Variants in SESTD1 observed in about 807,000 individuals in gnomAD.
SESTD1 encodes the protein SEC14 domain and spectrin repeat-containing protein 1.
A neutral mutation model predicts 101.7 loss-of-function variants in SESTD1; 43 were observed. That is an observed-to-expected ratio of 0.42 (90% CI 0.33 to 0.55). The LOEUF (loss-of-function observed/expected upper bound fraction) is 0.55. Among genes scored for constraint, SESTD1 ranks in the 20% least tolerant of loss-of-function variants. The pLI is 0.07. For missense variants in SESTD1, 647 were observed against 815.1 expected (o/e 0.79, Z 2.51); for synonymous variants, 283 against 286.8 (o/e 0.99, Z 0.13).
chr2:179,194,458 C>G (rs949453744), intron 1 of SESTD1, among the ~76,000 whole-genome samples: 1 of 152,154 alleles, frequency 6.6e-6, no homozygotes, highest in African/African-American at 2.4e-5. Flanking sequence ...AAGGAATTTA[C>G]AGGACTATTG....
At chr2:179,226,221 T>C (rs2046883341) in intron 1 of SESTD1, among the ~76,000 whole-genome samples, 2 of 152,230 alleles carry the variant, frequency 1.3e-5, no homozygotes, top group African/African-American at 2.4e-5. Context: ...AATATTCTCA[T>C]ATTCACCAAC....
rs145830560 is a variant in SESTD1, at chr2:179,181,402, T to C, written c.164+1678A>G. Among the ~76,000 whole-genome samples the C allele has an allele frequency of 6.4e-4, 98 of 152,316 alleles. 1 individual carries two copies. Among genetic ancestry groups the C allele is most frequent in the Admixed American group, 3.2e-3 (49 of 15,296 alleles). On this transcript the variant is annotated intron_variant, in intron 3 of 17. Coordinates refer to ENST00000428443, the MANE Select transcript of SESTD1 (RefSeq NM_178123.5). Reference sequence around the variant, plus strand: ...ATTCAGTGTGAATAACTTGCTCCAATGCTGAAGGAAAACCTAACATGTTCA... The same window carrying C: ...ATTCAGTGTGAATAACTTGCTCCAACGCTGAAGGAAAACCTAACATGTTCA...
At chr2:179,153,422 G>A (rs1182298025) in intron 5 of SESTD1, among the ~76,000 whole-genome samples, 1 of 152,096 alleles carries the variant, frequency 6.6e-6, no homozygotes, top group African/African-American at 2.4e-5. Context: ...CATCCTTACA[G>A]TGCTCGTTTT....
At chr2:179,182,970 C>T in intron 3 of SESTD1, 110 bp downstream of exon 3, 1 of 617,036 alleles carries the variant, frequency 1.6e-6, no homozygotes, top group Non-Finnish European at 2.6e-6. Context: ...TATAATTTCA[C>T]TGCGAATAAA....
intron 2 of SESTD1, 76 bp from the exon 3 acceptor site, chr2:179,183,264 A>G (rs1271058650): frequency 1.2e-6 from 1 of 846,810 alleles, no homozygotes; most frequent in Non-Finnish European, 1.7e-6. Context: ...TTTGAATCCA[A>G]TCTTACTAAA....
chr2:179,111,134 A>G (rs1464681219), intron 17 of SESTD1, among the ~76,000 whole-genome samples: 1 of 152,210 alleles, frequency 6.6e-6, no homozygotes, highest in Admixed American at 6.5e-5. Context: ...GAACAACCAG[A>G]AGCACGCCTG....
chr2:179,121,071 C>A (rs1575424393), intron 13 of SESTD1, among the ~76,000 whole-genome samples: 1 of 152,094 alleles, frequency 6.6e-6, no homozygotes, highest in African/African-American at 2.4e-5. Flanking sequence ...AGTAAGTTTG[C>A]AGATATGAGG....
chr2:179,165,730 G>T (rs2045823108), intron 5 of SESTD1, among the ~76,000 whole-genome samples: 1 of 152,192 alleles, frequency 6.6e-6, no homozygotes, highest in African/African-American at 2.4e-5. Flanking sequence ...TTCCTAATGT[G>T]ATCCAGCAGC....
intron 1 of SESTD1, among the ~76,000 whole-genome samples, chr2:179,261,148 A>G (rs924703512): frequency 6.6e-6 from 1 of 152,266 alleles, no homozygotes; most frequent in Non-Finnish European, 1.5e-5. Context: ...CCCATTGGAA[A>G]TGTGGAAAGC....
chr2:179,107,853 A>G lies in SESTD1; in HGVS notation c.*2046T>C, dbSNP rs1050866554. On this transcript the variant is annotated 3_prime_UTR_variant, in exon 18 of 18. Coordinates refer to ENST00000428443, the MANE Select transcript of SESTD1 (RefSeq NM_178123.5). Reference sequence around the variant, plus strand: ...GTGATAGCACCATCATGAAGACTGAAATAAATAATCACAAAAGTTCATACT... The same window carrying G: ...GTGATAGCACCATCATGAAGACTGAGATAAATAATCACAAAAGTTCATACT... 1 of 143,470 alleles carries G rather than the reference A, an allele frequency of 7.0e-6. No homozygotes were observed. The highest frequency in any genetic ancestry group is 3.0e-5 in the African/African-American group (1 of 33,204). 8.9% of individuals were successfully genotyped at this position (143,470 alleles called of 1,614,324 possible).
intron 5 of SESTD1, among the ~76,000 whole-genome samples, chr2:179,162,770 A>C (rs1477611735): frequency 6.6e-6 from 1 of 151,510 alleles, no homozygotes; most frequent in East Asian, 1.9e-4. Flanking sequence ...GGTGGATCAC[A>C]AGGTAGGAGT....
At chr2:179,117,946 G>C (rs1441652413) in intron 13 of SESTD1, among the ~76,000 whole-genome samples, 1 of 152,010 alleles carries the variant, frequency 6.6e-6, no homozygotes, top group African/African-American at 2.4e-5. Flanking sequence ...AAGTTTCAAG[G>C]ATAAAAGTGT....
chr2:179,224,808 G>A (rs746063716), intron 1 of SESTD1, among the ~76,000 whole-genome samples: 5 of 152,146 alleles, frequency 3.3e-5, no homozygotes, highest in Admixed American at 6.6e-5. Flanking sequence ...GTGGAATGTC[G>A]ACCAGAGGTC....
Position 179,109,941 on chromosome 2 carries a change from C to A in SESTD1, c.2049G>T (p.Arg683Ser). ...RDRMKLVNLK[R>S]QQLRHPEMVT... ...CCATTTCAGGATGTCTCAGCTGCTG[C>A]CTTTTGAGATTAACTAGTTTCATCC... The change falls in exon 18 of 18, where the codon AGG becomes AGT. Residue 683 changes from arginine to serine, a missense_variant. Physicochemically the swap from Arg to Ser is moderately radical, Grantham distance 110. Around this residue, in one of 3 missense-constraint regions of SESTD1, gnomAD observed 476 missense variants for 562.6 expected, o/e 0.85. Transcript: ENST00000428443. 6.2e-7 allele frequency: 1 copy of A among 1,613,726 alleles called. No homozygotes were observed. The highest frequency in any genetic ancestry group is 8.5e-7 in the Non-Finnish European group (1 of 1,179,852).
rs185629611 is a variant in SESTD1 at position 179,229,522 on chromosome 2, G to A, written c.-26+34977C>T. ...AGCCAGTTTCTTACAAAAAAATCTC[G>A]TTCTAGATATAGATATACATATGTT... On this transcript the variant is annotated intron_variant, in intron 1 of 17. Coordinates refer to ENST00000428443, the MANE Select transcript of SESTD1 (RefSeq NM_178123.5). 1.9e-3 allele frequency among the ~76,000 whole-genome samples: 290 copies of A among 151,774 alleles called. 1 individual carries two copies. The highest frequency in any genetic ancestry group is 6.8e-3 in the African/African-American group (280 of 41,374).
chr2:179,244,362 G>C (rs917961830), intron 1 of SESTD1, among the ~76,000 whole-genome samples: 1 of 151,726 alleles, frequency 6.6e-6, no homozygotes, highest in African/African-American at 2.4e-5. Flanking sequence ...GGGAGGCTGA[G>C]ACAGGAGAAT....
At chr2:179,262,278 G>A (rs539943853) in intron 1 of SESTD1, among the ~76,000 whole-genome samples, 1 of 152,228 alleles carries the variant, frequency 6.6e-6, no homozygotes, top group Non-Finnish European at 1.5e-5. Flanking sequence ...GATTAGTGCC[G>A]ACATTTGCAT....
At chr2:179,192,516 A>C (rs1431966959) in intron 1 of SESTD1, among the ~76,000 whole-genome samples, 1 of 152,136 alleles carries the variant, frequency 6.6e-6, no homozygotes, top group Non-Finnish European at 1.5e-5. Flanking sequence ...CCAGGGAAAA[A>C]TTTGATTAGG....
At chr2:179,249,008 T>G (rs912759124) in intron 1 of SESTD1, among the ~76,000 whole-genome samples, 4 of 150,766 alleles carry the variant, frequency 2.7e-5, no homozygotes, top group African/African-American at 9.8e-5. Context: ...GAAGGATCAC[T>G]TGAGCCCAGG....
Sources: gnomAD v4.1 joint callset for allele counts (sites outside exome capture counted in the v4.1 genomes callset) on GRCh38, gnomAD v4.1.1 for gene constraint, gnomAD v4.1.1 regional missense constraint, MANE v1.5 for transcripts, NCBI Gene and HGNC (gene_info 2026-07-23, HGNC 2026-07-21) for gene names.